The following ZNF700 variants were observed in gnomAD, a reference collection of about 807,000 sequenced individuals.
The protein encoded by ZNF700 is zinc finger protein 700.
ZNF700 carries 38 observed loss-of-function variants against 65.3 expected under a neutral mutation model. The ratio of observed to expected loss-of-function variants is 0.58; its 90% CI spans 0.45 to 0.76. The LOEUF (loss-of-function observed/expected upper bound fraction) is 0.76, where lower values mean the gene tolerates loss of function less well. ZNF700 is among the 30% of genes least tolerant of loss of function. ZNF700 has a pLI of 0.00. For synonymous variants in ZNF700, 285 were observed against 290.4 expected (o/e 0.98, Z 0.19); for missense variants, 857 against 888.4 (o/e 0.96, Z 0.45).
rs892224118 is a variant in ZNF700 at position 11,948,972 on chromosome 19, A to G, written c.948A>G (p.Ala316=). Residue 316 remains alanine, a synonymous_variant, in exon 4 of 4, where the codon GCA becomes GCG. Coordinates refer to ENST00000254321, the MANE Select transcript of ZNF700 (RefSeq NM_144566.3). ...YQCKECGKAF[A]YTSSLRRHER... ...GCAAAGAATGTGGAAAAGCATTTGC[A>G]TATACCAGTTCTCTTCGTAGACATG... 6.2e-7 allele frequency: 1 copy of G among 1,608,810 alleles called. No homozygotes were observed. Among genetic ancestry groups the G allele is most frequent in the African/African-American group, 1.3e-5 (1 of 74,482 alleles).
Position 11,947,169 on chromosome 19 carries a change from G to A in ZNF700, c.64-12G>A. The stretch of plus-strand genomic sequence containing the variant: ...CTCACCCATCTTCCTCTACACATGT[G>A]AGATGTTTCAGGACCCAGTGGCCTT... On this transcript the variant is annotated splice_polypyrimidine_tract_variant and intron_variant, in intron 1 of 3. Transcript: ENST00000254321. 4 of 1,613,034 alleles carry A rather than the reference G, an allele frequency of 2.5e-6. No individual in the cohort carries two copies. The South Asian group carries it at 3.3e-5, about 13-fold the overall frequency.
intron 1 of ZNF700, among the ~76,000 whole-genome samples, chr19:11,937,299 C>G (rs1972810483): frequency 6.6e-6 from 1 of 152,010 alleles, no homozygotes; most frequent in Non-Finnish European, 1.5e-5. Context: ...ATTTGCTAAT[C>G]CAGGTGTTTC....
At chr19:11,946,870 C>A in intron 1 of ZNF700, 1 of 301,212 alleles carries the variant, frequency 3.3e-6, no homozygotes, top group Non-Finnish European at 5.9e-6. Flanking sequence ...CGTGGTGGTA[C>A]ATGCCTATAA....
In ZNF700 at chr19:11,946,095, C is replaced by T. The variant is rs1032752426; in HGVS notation, c.64-1086C>T. On this transcript the variant is annotated intron_variant, in intron 1 of 3. Transcript: ENST00000254321. ...CGTTAGGGGCACCTGAGCCTGGTCC[C>T]CCTTAGTCCAGTAGCCCTTCTGCCA... Among the ~76,000 whole-genome samples, 3 of 152,184 alleles carry T rather than the reference C, an allele frequency of 2.0e-5. 1 individual carries two copies. Among genetic ancestry groups the T allele is most frequent in the Admixed American group, 6.5e-5 (1 of 15,280 alleles).
chr19:11,948,348 A>G lies in ZNF700; in HGVS notation c.324A>G (p.Pro108=). The G allele has an allele frequency of 6.2e-7, 1 of 1,613,992 alleles. No homozygotes were observed. ...GTGGAGAAACTTTTACCCAGGTTCC[A>G]GATGACAGACTGAACTTCCAGGAGA... ...SHCGETFTQV[P]DDRLNFQEKK... Residue 108 remains proline (P), a synonymous_variant, in exon 4 of 4, where the codon CCA becomes CCG. Coordinates refer to ENST00000254321, the MANE Select transcript of ZNF700 (RefSeq NM_144566.3).
rs187878101 is a variant in ZNF700 at position 11,931,443 on chromosome 19, C to T, written c.63+6170C>T. ...TCCTAATTACTTCCCAGAGATGTCA[C>T]CTTCTAATACTATATTGGGAGTAGG... On this transcript the variant is annotated intron_variant, in intron 1 of 3. Coordinates refer to ENST00000254321, the MANE Select transcript of ZNF700 (RefSeq NM_144566.3). Among the ~76,000 whole-genome samples, 383 of 148,294 alleles carry T rather than the reference C, an allele frequency of 2.6e-3. 12 individuals are homozygous for T. The highest frequency in any genetic ancestry group is 5.4e-3 in the Admixed American group (81 of 15,094).
chr19:11,933,251 C>CA (rs371220138), intron 1 of ZNF700, among the ~76,000 whole-genome samples: 8,367 of 121,126 alleles, frequency 0.069, 824 homozygotes, highest in African/African-American at 0.14. Flanking sequence ...GGCCCTGTTT[C>CA]AAAAAAAAAA....
chr19:11,935,476 C>T, intron 1 of ZNF700, among the ~76,000 whole-genome samples: 1 of 151,996 alleles, frequency 6.6e-6, no homozygotes. Flanking sequence ...CGATGATCCA[C>T]CCACCTCAGC....
At chr19:11,929,871 C>T (rs1224370798) in intron 1 of ZNF700, among the ~76,000 whole-genome samples, 1 of 148,434 alleles carries the variant, frequency 6.7e-6, no homozygotes, top group Non-Finnish European at 1.5e-5. Context: ...TTCTGCCTCT[C>T]CTCCTTTTAT....
chr19:11,934,805 C>T (rs1005075510), intron 1 of ZNF700, among the ~76,000 whole-genome samples: 3 of 147,892 alleles, frequency 2.0e-5, no homozygotes, highest in Non-Finnish European at 4.4e-5. Context: ...GGATTACAGG[C>T]GTGAGCCACT....
chr19:11,943,233 G>A (rs1972912042), intron 1 of ZNF700, among the ~76,000 whole-genome samples: 1 of 152,168 alleles, frequency 6.6e-6, no homozygotes, highest in South Asian at 2.1e-4. Context: ...ACTTTGTTAT[G>A]TCCTTAACTA....
At chr19:11,939,774 A>T (rs879244972) in intron 1 of ZNF700, among the ~76,000 whole-genome samples, 2 of 150,902 alleles carry the variant, frequency 1.3e-5, no homozygotes, top group Non-Finnish European at 3.0e-5. Flanking sequence ...ACCATGATTT[A>T]TTATCATTAC....
At position 11,941,593 on chromosome 19, in the gene ZNF700, C is replaced by T. The variant is rs531169349; in HGVS notation, c.64-5588C>T. 2.0e-3 allele frequency among the ~76,000 whole-genome samples: 312 copies of T among 152,314 alleles called. 2 individuals carry two copies. Among genetic ancestry groups the T allele is most frequent in the African/African-American group, 6.9e-3 (285 of 41,564 alleles). On this transcript the variant is annotated intron_variant, in intron 1 of 3. Coordinates refer to ENST00000254321, the MANE Select transcript of ZNF700 (RefSeq NM_144566.3). ...CAGGGTCGGCCGGCTGCTCCGAGTG[C>T]GGGGCCGCCAAGCCCACGCCCACCC...
rs747851420 is a variant in ZNF700 at position 11,933,846 on chromosome 19, GAAA to G, written c.63+8589_63+8591del. Among the ~76,000 whole-genome samples the G allele has an allele frequency of 7.4e-3, 787 of 106,600 alleles. 89 individuals are homozygous for G. The highest frequency in any genetic ancestry group is 0.028 in the African/African-American group (769 of 27,094). 69.9% of individuals were successfully genotyped at this position (106,600 alleles called of 152,430 possible). ...GGTGACGGAGCAAGACTCCATCTCA[GAAA>G]AAAAAAAAAAAAAAATTTGTTTTTG... On this transcript the variant is annotated intron_variant, in intron 1 of 3. Coordinates refer to ENST00000254321, the MANE Select transcript of ZNF700 (RefSeq NM_144566.3).
Position 11,950,190 on chromosome 19 carries a change from C to T in ZNF700, c.2166C>T (p.His722=), listed in dbSNP as rs777164360. The part of the protein sequence containing the change: ...AFNYFSSLHI[H]ARTHMGEKPY... ...ATTATTTTTCTTCCTTGCATATACA[C>T]GCAAGGACTCATATGGGAGAGAAGC... The change falls in exon 4 of 4, where the codon CAC becomes CAT. Residue 722 remains histidine, a synonymous_variant. Coordinates refer to ENST00000254321, the MANE Select transcript of ZNF700 (RefSeq NM_144566.3). 99 of 1,613,436 alleles carry T rather than the reference C, an allele frequency of 6.1e-5. No homozygotes were observed. The highest frequency in any genetic ancestry group is 8.9e-5 in the East Asian group (4 of 44,862).
chr19:11,948,718 C>A lies in ZNF700; in HGVS notation c.694C>A (p.His232Asn). The A allele has an allele frequency of 6.2e-7, 1 of 1,612,940 alleles. No homozygotes were observed. Among genetic ancestry groups the A allele is most frequent in the Non-Finnish European group, 8.5e-7 (1 of 1,179,736 alleles). The change falls in exon 4 of 4, where the codon CAT (histidine) becomes AAT (asparagine). Residue 232 changes from histidine to asparagine, a missense_variant. His to Asn is a moderately conservative substitution (Grantham distance 68). Around this residue, in one of 3 missense-constraint regions of ZNF700, gnomAD observed 603 missense variants for 619.9 expected, o/e 0.97. Coordinates refer to ENST00000254321, the MANE Select transcript of ZNF700 (RefSeq NM_144566.3). ...YKCKFCGKAFHSFSLYLIHER... is the reference protein window; with the variant it reads ...YKCKFCGKAFNSFSLYLIHER... The stretch of plus-strand genomic sequence containing the variant: ...ATGTAAATTTTGTGGGAAAGCCTTC[C>A]ATTCTTTCAGTTTATATCTTATCCA...
At chr19:11,942,130 G>C (rs543033142) in intron 1 of ZNF700, among the ~76,000 whole-genome samples, 1 of 151,298 alleles carries the variant, frequency 6.6e-6, no homozygotes, top group Non-Finnish European at 1.5e-5. Flanking sequence ...AATGATTCCT[G>C]GGCATCATAA....
chr19:11,933,864 AT>A (rs1329131676), intron 1 of ZNF700, among the ~76,000 whole-genome samples: 5 of 144,020 alleles, frequency 3.5e-5, no homozygotes, highest in East Asian at 3.9e-4. Flanking sequence ...AAAAAAAAAA[AT>A]TTGTTTTTGT....
rs370622404 is a variant in ZNF700 at position 11,932,625 on chromosome 19, C to G, written c.63+7352C>G. On this transcript the variant is annotated intron_variant, in intron 1 of 3. Transcript: ENST00000254321. ...TATTTTTGCATGTTTTTTATGCAAACCAATATGTGATTTTTTTTTTTTTTT... is the reference window on the plus strand; with the variant it reads ...TATTTTTGCATGTTTTTTATGCAAAGCAATATGTGATTTTTTTTTTTTTTT... Among the ~76,000 whole-genome samples the G allele has an allele frequency of 1.9e-3, 265 of 141,170 alleles. 39 individuals carry two copies. The highest frequency in any genetic ancestry group is 7.7e-3 in the African/African-American group (250 of 32,572). The allele number at this position is 141,170 out of a possible 152,430, so 92.6% of individuals were successfully genotyped here.
Sources: allele counts gnomAD v4.1 joint callset (sites outside exome capture counted in the v4.1 genomes callset), GRCh38; gene constraint gnomAD v4.1.1; regional missense constraint gnomAD v4.1.1; transcripts MANE v1.5; gene names NCBI Gene and HGNC (gene_info 2026-07-23, HGNC 2026-07-21).